Variants in KCNIP4 observed in about 807,000 individuals in gnomAD.
KCNIP4 encodes the protein Kv channel-interacting protein 4.
KCNIP4 carries 12 observed loss-of-function variants against 34.0 expected under a neutral mutation model. The observed-to-expected ratio is 0.35, with a 90% CI of 0.23 to 0.57. The LOEUF (loss-of-function observed/expected upper bound fraction) is 0.57. KCNIP4 is among the 20% of genes least tolerant of loss of function. KCNIP4 has a pLI of 0.83. For missense variants in KCNIP4, 238 were observed against 311.7 expected, an observed-to-expected ratio of 0.76 and a Z score of 1.78; for synonymous variants, 124 against 102.2, an observed-to-expected ratio of 1.21 and a Z score of -1.29.
chr4:21,678,550 T>G (rs1218733120), intron 1 of KCNIP4, among the ~76,000 whole-genome samples: 1 of 152,182 alleles, frequency 6.6e-6, no homozygotes, highest in East Asian at 1.9e-4. Flanking sequence ...TGTTTCCCTT[T>G]GCCTTTCTTC....
At chr4:21,040,953 G>T (rs1397224045) in intron 1 of KCNIP4, among the ~76,000 whole-genome samples, 2 of 22,732 alleles carry the variant, frequency 8.8e-5, no homozygotes, top group Non-Finnish European at 1.7e-4. Context: ...ATGAAACAGA[G>T]TAAAAAAAAA....
intron 1 of KCNIP4, among the ~76,000 whole-genome samples, chr4:21,515,464 C>G (rs1441800201): frequency 1.3e-5 from 2 of 151,982 alleles, no homozygotes; most frequent in Non-Finnish European, 2.9e-5. Context: ...CGGCGAAACC[C>G]CGTCTCTACT....
intron 1 of KCNIP4, among the ~76,000 whole-genome samples, chr4:20,902,895 G>T (rs1040957910): frequency 1.3e-5 from 2 of 152,194 alleles, no homozygotes; most frequent in Non-Finnish European, 2.9e-5. Flanking sequence ...TAGTGGCAAC[G>T]TGAAGATCCG....
chr4:21,051,269 A>G (rs902814488), intron 1 of KCNIP4, among the ~76,000 whole-genome samples: 2 of 152,212 alleles, frequency 1.3e-5, no homozygotes, highest in African/African-American at 4.8e-5. Flanking sequence ...TAAAGAGACT[A>G]CATTTAAGTT....
intron 1 of KCNIP4, among the ~76,000 whole-genome samples, chr4:20,916,618 G>A (rs1423800305): frequency 6.6e-6 from 1 of 152,040 alleles, no homozygotes; most frequent in Non-Finnish European, 1.5e-5. Flanking sequence ...TATAATCACA[G>A]CACATTCTGG....
chr4:21,440,693 A>T (rs1435950699), intron 1 of KCNIP4, among the ~76,000 whole-genome samples: 1 of 152,218 alleles, frequency 6.6e-6, no homozygotes, highest in Non-Finnish European at 1.5e-5. Flanking sequence ...CTAATAATTA[A>T]CTTGATGGGA....
intron 3 of KCNIP4, among the ~76,000 whole-genome samples, chr4:20,808,301 G>A (rs953057226): frequency 6.6e-6 from 1 of 152,256 alleles, no homozygotes; most frequent in Non-Finnish European, 1.5e-5. Context: ...ATGCCATGAA[G>A]GCTATTTGAG....
chr4:21,597,680 T>C (rs757628008), intron 1 of KCNIP4, among the ~76,000 whole-genome samples: 1 of 152,250 alleles, frequency 6.6e-6, no homozygotes, highest in African/African-American at 2.4e-5. Context: ...GTCTACTGTA[T>C]TCATTCAAAA....
At chr4:21,519,896 T>G (rs186074728) in intron 1 of KCNIP4, among the ~76,000 whole-genome samples, 1 of 148,196 alleles carries the variant, frequency 6.7e-6, no homozygotes, top group Non-Finnish European at 1.5e-5. Flanking sequence ...TTTAATTATA[T>G]ATTAATTTTA....
intron 1 of KCNIP4, among the ~76,000 whole-genome samples, chr4:21,236,522 G>A (rs562339931): frequency 2.0e-5 from 3 of 152,178 alleles, no homozygotes; most frequent in Non-Finnish European, 4.4e-5. Flanking sequence ...CTTATATTAA[G>A]CAGTCTTGAG....
chr4:21,376,209 A>C (rs1720948122), intron 1 of KCNIP4, among the ~76,000 whole-genome samples: 1 of 152,228 alleles, frequency 6.6e-6, no homozygotes, highest in Non-Finnish European at 1.5e-5. Context: ...GGAATTTAAA[A>C]AGATAACACT....
At chr4:20,848,513 A>T (rs547532214) in intron 3 of KCNIP4, among the ~76,000 whole-genome samples, 1 of 152,108 alleles carries the variant, frequency 6.6e-6, no homozygotes, top group South Asian at 2.1e-4. Context: ...ATAAAAAAAA[A>T]TAAAGCAATG....
At chr4:21,408,572 G>A (rs1290272276) in intron 1 of KCNIP4, among the ~76,000 whole-genome samples, 1 of 152,194 alleles carries the variant, frequency 6.6e-6, no homozygotes, top group Non-Finnish European at 1.5e-5. Flanking sequence ...TCATTGCAAA[G>A]TAATTGTTTT....
At chr4:21,117,345 T>C (rs114901294) in intron 1 of KCNIP4, among the ~76,000 whole-genome samples, 1,854 of 145,972 alleles carry the variant, frequency 0.013, 56 homozygotes, top group African/African-American at 0.044. Flanking sequence ...TCCTCGGTGA[T>C]TCTCCTATGT....
intron 1 of KCNIP4, among the ~76,000 whole-genome samples, chr4:21,280,154 C>A (rs1255693218): frequency 1.3e-5 from 2 of 152,098 alleles, no homozygotes; most frequent in Non-Finnish European, 2.9e-5. Context: ...TGAAATGAAT[C>A]TATTCAAAAT....
intron 1 of KCNIP4, among the ~76,000 whole-genome samples, chr4:21,175,276 C>T (rs896085311): frequency 1.3e-5 from 2 of 152,088 alleles, no homozygotes; most frequent in Non-Finnish European, 2.9e-5. Flanking sequence ...GGTAGAGGAT[C>T]CTTAGACAAG....
At chr4:21,914,457 C>G (rs1221614248) in intron 1 of KCNIP4, among the ~76,000 whole-genome samples, 3 of 152,130 alleles carry the variant, frequency 2.0e-5, no homozygotes, top group Non-Finnish European at 4.4e-5. Context: ...TGTGACATTA[C>G]CAGTGTTCTG....
chr4:21,138,956 A>G (rs1751724954), intron 1 of KCNIP4, among the ~76,000 whole-genome samples: 1 of 152,222 alleles, frequency 6.6e-6, no homozygotes, highest in South Asian at 2.1e-4. Context: ...AGTGAAAGTC[A>G]TTCAGACTTC....
chr4:21,103,839 G>T (rs1050567091), intron 1 of KCNIP4, among the ~76,000 whole-genome samples: 1 of 149,744 alleles, frequency 6.7e-6, no homozygotes, highest in Admixed American at 6.7e-5. Context: ...GCGGTGTTTG[G>T]TTTTTTGTCC....
Sources: allele counts gnomAD v4.1 joint callset (sites outside exome capture counted in the v4.1 genomes callset), GRCh38; gene constraint gnomAD v4.1.1; transcripts MANE v1.5; gene names NCBI Gene and HGNC (gene_info 2026-07-23, HGNC 2026-07-21).